The following FER variants were observed in gnomAD, a reference collection of about 807,000 sequenced individuals.
The protein encoded by FER is FER tyrosine kinase.
In FER, 63 loss-of-function variants were observed where a neutral mutation model predicts 111.0. The ratio of observed to expected loss-of-function variants is 0.57; its 90% CI spans 0.46 to 0.70. The LOEUF is 0.70. Ranked by LOEUF, FER falls within the 30% of genes least tolerant of loss-of-function variation. The pLI is 0.00. For missense variants in FER, 914 were observed against 954.0 expected (o/e 0.96, Z 0.55); for synonymous variants, 327 against 313.9 (o/e 1.04, Z -0.44).
intron 13 of FER, chr5:109,014,908 C>T (rs1766847882): frequency 6.6e-6 from 1 of 152,272 alleles, no homozygotes; most frequent in South Asian, 2.1e-4. Context: ...TGTATCGTTC[C>T]AATTTTAGTA....
At chr5:108,927,555 G>T (rs1050610711) in intron 10 of FER, among the ~76,000 whole-genome samples, 4 of 151,988 alleles carry the variant, frequency 2.6e-5, no homozygotes, top group Admixed American at 2.6e-4. Flanking sequence ...CATCGCGCCC[G>T]GCGAGAAGTG....
chr5:108,924,771 A>G, intron 10 of FER: 1 of 1,232,074 alleles, frequency 8.1e-7, no homozygotes, highest in Non-Finnish European at 1.0e-6. Context: ...CTTCCACATC[A>G]GAAGTCCACA....
chr5:108,963,972 G>A (rs1205520130), intron 13 of FER, among the ~76,000 whole-genome samples: 2 of 152,092 alleles, frequency 1.3e-5, no homozygotes, highest in African/African-American at 4.8e-5. Context: ...TTTTTGATAT[G>A]TTGATGTCTT....
rs934189363 is a variant in FER, at chr5:108,760,310, T to C, written c.-205-7783T>C. On this transcript the variant is annotated intron_variant, in intron 1 of 19. Transcript: ENST00000281092. ...GATTTAGTATCATTCTTATGGACTC[T>C]GCAATATTTAGAATGGGCAATGAGC... 2.0e-5 allele frequency among the ~76,000 whole-genome samples: 3 copies of C among 152,290 alleles called. No homozygotes were observed. The South Asian group carries it at 6.2e-4, about 32-fold the overall frequency.
chr5:108,892,115 A>G (rs376999194), intron 9 of FER, among the ~76,000 whole-genome samples: 35 of 151,942 alleles, frequency 2.3e-4, no homozygotes, highest in East Asian at 7.7e-4. Flanking sequence ...GAATAGTGCC[A>G]CAATAAACAT....
intron 9 of FER, among the ~76,000 whole-genome samples, chr5:108,886,475 A>G (rs1287568909): frequency 2.0e-5 from 3 of 150,268 alleles, no homozygotes; most frequent in Non-Finnish European, 4.4e-5. Context: ...ATGTACATAT[A>G]TATATATGTT....
chr5:109,058,112 T>C (rs992308243), intron 16 of FER, among the ~76,000 whole-genome samples: 1 of 152,152 alleles, frequency 6.6e-6, no homozygotes, highest in Non-Finnish European at 1.5e-5. Flanking sequence ...AATTATATGA[T>C]TATTTAAATG....
intron 16 of FER, among the ~76,000 whole-genome samples, chr5:109,099,789 T>C (rs1748001344): frequency 6.6e-6 from 1 of 151,478 alleles, no homozygotes; most frequent in African/African-American, 2.4e-5. Flanking sequence ...TTTAAGAAGG[T>C]TTTCTAAGAC....
At chr5:109,072,044 T>C (rs1005332027) in intron 16 of FER, among the ~76,000 whole-genome samples, 29 of 151,816 alleles carry the variant, frequency 1.9e-4, no homozygotes, top group African/African-American at 6.8e-4. Flanking sequence ...CAGAAAGATA[T>C]TTTAGGTTCA....
chr5:108,987,848 G>A (rs1181698308), intron 13 of FER, among the ~76,000 whole-genome samples: 1 of 152,116 alleles, frequency 6.6e-6, no homozygotes, highest in African/African-American at 2.4e-5. Context: ...GAAGTGGTGA[G>A]AATGGGCGTC....
At chr5:108,790,235 CCACACACACA>C (rs66805209) in intron 2 of FER, among the ~76,000 whole-genome samples, 56 of 145,200 alleles carry the variant, frequency 3.9e-4, no homozygotes, top group East Asian at 1.4e-3. Flanking sequence ...TGCATACACA[CCACACACACA>C]CACACACACA....
intron 13 of FER, among the ~76,000 whole-genome samples, chr5:108,964,320 T>C (rs899607234): frequency 6.6e-6 from 1 of 152,154 alleles, no homozygotes; most frequent in African/African-American, 2.4e-5. Flanking sequence ...GAAAGCCTCC[T>C]AATGAATTTT....
At chr5:108,774,065 C>T (rs959643431) in intron 2 of FER, among the ~76,000 whole-genome samples, 4 of 151,992 alleles carry the variant, frequency 2.6e-5, no homozygotes, top group East Asian at 1.9e-4. Context: ...TCCTCACCCC[C>T]CAACAGGCCC....
Position 108,794,528 on chromosome 5 carries a change from C to CG in FER, c.-59-3596_-59-3595insG, listed in dbSNP as rs1014323300. Among the ~76,000 whole-genome samples the CG allele has an allele frequency of 4.6e-4, 32 of 68,848 alleles. 2 individuals carry two copies. The highest frequency in any genetic ancestry group is 4.4e-3 in the South Asian group (8 of 1,814). 45.2% of individuals were successfully genotyped at this position (68,848 alleles called of 152,430 possible). ...GTCACTGTGCTTGCCCCCTCCGCAC[C>CG]CCCCCCCCTCCCCGCACCTTAACAT... On this transcript the variant is annotated intron_variant, in intron 2 of 19. Coordinates refer to ENST00000281092, the MANE Select transcript of FER (RefSeq NM_005246.4).
chr5:108,968,642 A>G (rs186343370), intron 13 of FER, among the ~76,000 whole-genome samples: 28 of 152,194 alleles, frequency 1.8e-4, no homozygotes, highest in African/African-American at 5.8e-4. Flanking sequence ...CAAACCCACA[A>G]TCAAATCAAA....
intron 2 of FER, among the ~76,000 whole-genome samples, chr5:108,776,632 A>G (rs1753528288): frequency 1.3e-5 from 2 of 152,178 alleles, no homozygotes; most frequent in Admixed American, 6.5e-5. Context: ...TTGCTTTTTA[A>G]TAACTTCCAT....
intron 10 of FER, among the ~76,000 whole-genome samples, chr5:108,943,272 G>T (rs1756521983): frequency 6.6e-6 from 1 of 152,296 alleles, no homozygotes; most frequent in African/African-American, 2.4e-5. Flanking sequence ...AAAAGTCACA[G>T]AATTTTTGAG....
chr5:109,046,945 G>T (rs907575395), intron 15 of FER, among the ~76,000 whole-genome samples, 159 bp from the exon 16 acceptor site: 3 of 151,994 alleles, frequency 2.0e-5, no homozygotes, highest in African/African-American at 7.3e-5. Context: ...GGCTTTACTC[G>T]TTTGTATACA....
intron 17 of FER, among the ~76,000 whole-genome samples, chr5:109,125,945 A>T (rs1246715055): frequency 6.6e-6 from 1 of 152,064 alleles, no homozygotes; most frequent in East Asian, 1.9e-4. Flanking sequence ...TGAAGGCTAA[A>T]ACTGCTACAT....
Sources: gnomAD v4.1 joint callset for allele counts (sites outside exome capture counted in the v4.1 genomes callset) on GRCh38, gnomAD v4.1.1 for gene constraint, MANE v1.5 for transcripts, NCBI Gene and HGNC (gene_info 2026-07-23, HGNC 2026-07-21) for gene names.